Variants in AIFM1 observed in about 807,000 individuals in gnomAD.
The protein encoded by AIFM1 is apoptosis-inducing factor 1, mitochondrial.
A neutral mutation model predicts 51.7 loss-of-function variants in AIFM1; 3 were observed. The ratio of observed to expected loss-of-function variants is 0.06; its 90% CI spans 0.03 to 0.15. The LOEUF is 0.15. Ranked by LOEUF, AIFM1 falls within the 10% of genes least tolerant of loss-of-function variation. The pLI, the probability that AIFM1 is intolerant of heterozygous loss-of-function variation, is 1.00. For missense variants in AIFM1, 330 were observed against 476.8 expected (o/e 0.69, Z 2.87); for synonymous variants, 178 against 179.4 (o/e 0.99, Z 0.06).
Position 130,156,574 on chromosome X carries a change from G to A in AIFM1, c.136C>T (p.Leu46=), listed in dbSNP as rs1322559243. The change falls in exon 2 of 16, where the codon CTA becomes TTA. Residue 46 remains leucine (L), a synonymous_variant. Transcript: ENST00000287295. ...ATTTGTCTTGTCATCTGGAGTTCTA[G>A]AGGAACATGCCATCGCTGGAACAAG... ...GNLFQRWHVP[L]ELQMTRQMAS... 1 of 1,211,801 alleles carries A rather than the reference G, an allele frequency of 8.3e-7. No homozygotes were observed. The highest frequency in any genetic ancestry group is 1.1e-6 in the Non-Finnish European group (1 of 895,504).
chrX:130,139,935 C>T, intron 7 of AIFM1, 64 bp from the exon 8 acceptor site: 1 of 932,609 alleles, frequency 1.1e-6, no homozygotes, highest in Non-Finnish European at 1.5e-6. Flanking sequence ...ACAATACTCC[C>T]TCCACCACAC....
intron 6 of AIFM1, among the ~76,000 whole-genome samples, chrX:130,144,066 A>G (rs1475318581): frequency 8.9e-6 from 1 of 112,082 alleles, no homozygotes; most frequent in Non-Finnish European, 1.9e-5. Context: ...TACCTACCTC[A>G]TAAGATTATT....
At chrX:130,156,075 TG>T (rs2031153160) in intron 2 of AIFM1, among the ~76,000 whole-genome samples, 2 of 111,823 alleles carry the variant, frequency 1.8e-5, no homozygotes, top group African/African-American at 6.5e-5. Flanking sequence ...GGAAATAAAA[TG>T]TCTGACAAAT....
At chrX:130,162,879 A>G (rs1026247321) in intron 1 of AIFM1, among the ~76,000 whole-genome samples, 3 of 112,184 alleles carry the variant, frequency 2.7e-5, no homozygotes, top group African/African-American at 9.7e-5. Context: ...ATGCAGACAT[A>G]GAGTGATGAC....
In AIFM1 at chrX:130,133,471, C is replaced by T. The variant is rs2030188508; in HGVS notation, c.1306-16G>A. The T allele has an allele frequency of 8.3e-7, 1 of 1,199,705 alleles. No individual in the cohort carries two copies. Among genetic ancestry groups the T allele is most frequent in the South Asian group, 1.8e-5 (1 of 56,503 alleles). Reference sequence around the variant, plus strand: ...CATCTCCTGCCTGTGGAAACAAATACATAACATGAACACATGATAAAAAAA... The same window carrying T: ...CATCTCCTGCCTGTGGAAACAAATATATAACATGAACACATGATAAAAAAA... On this transcript the variant is annotated splice_polypyrimidine_tract_variant and intron_variant, in intron 12 of 15. Transcript: ENST00000287295.
At chrX:130,157,135 AT>A (rs772321432) in intron 1 of AIFM1, among the ~76,000 whole-genome samples, 12 of 112,165 alleles carry the variant, frequency 1.1e-4, no homozygotes, top group Non-Finnish European at 1.9e-4. Flanking sequence ...AGAAAAAAAA[AT>A]TTTAATGAGT....
At chrX:130,164,061 T>C (rs1407411177) in intron 1 of AIFM1, among the ~76,000 whole-genome samples, 2 of 105,439 alleles carry the variant, frequency 1.9e-5, no homozygotes, top group African/African-American at 7.0e-5. Flanking sequence ...CCAGCTACTC[T>C]GGAGGCTGAG....
At chrX:130,151,677 T>G (rs2030985721) in intron 2 of AIFM1, among the ~76,000 whole-genome samples, 2 of 111,362 alleles carry the variant, frequency 1.8e-5, no homozygotes. Flanking sequence ...TCAGGAAGAG[T>G]TTTTATCTTG....
chrX:130,143,649 G>A (rs955477825), intron 6 of AIFM1, among the ~76,000 whole-genome samples: 1 of 108,188 alleles, frequency 9.2e-6, no homozygotes, highest in Admixed American at 1.0e-4. Flanking sequence ...TCAGGAGTTC[G>A]AGACCAACCT....
chrX:130,148,922 C>CTTT (rs11292355), intron 3 of AIFM1, among the ~76,000 whole-genome samples: 9 of 68,363 alleles, frequency 1.3e-4, no homozygotes, highest in African/African-American at 4.8e-4. Flanking sequence ...TTTTAAGAGA[C>CTTT]TTTTTTTTTT....
intron 1 of AIFM1, among the ~76,000 whole-genome samples, chrX:130,158,767 T>A (rs2031257242): frequency 9.4e-6 from 1 of 105,908 alleles, no homozygotes; most frequent in Non-Finnish European, 1.9e-5. Flanking sequence ...TAAGAAAGTT[T>A]ACAAATTTGT....
chrX:130,134,460 T>G (rs1417501901), intron 12 of AIFM1, among the ~76,000 whole-genome samples: 1 of 111,089 alleles, frequency 9.0e-6, no homozygotes, highest in African/African-American at 3.3e-5. Context: ...CACTCAGTAT[T>G]CATTCATTCG....
intron 14 of AIFM1, 41 bp downstream of exon 14, chrX:130,131,634 C>T (rs1317558723): frequency 1.7e-6 from 2 of 1,207,308 alleles, no homozygotes; most frequent in Non-Finnish European, 2.2e-6. Flanking sequence ...TGGACCACTG[C>T]TTCTCAACAC....
chrX:130,146,544 T>C (rs1211500677), intron 5 of AIFM1, among the ~76,000 whole-genome samples: 1 of 108,963 alleles, frequency 9.2e-6, no homozygotes, highest in Non-Finnish European at 1.9e-5. Flanking sequence ...AAAGTATACA[T>C]CCTGTTTGAA....
At chrX:130,150,203 C>T (rs778469184) in intron 2 of AIFM1, among the ~76,000 whole-genome samples, 21 of 111,476 alleles carry the variant, frequency 1.9e-4, no homozygotes, top group African/African-American at 6.2e-4. Flanking sequence ...TGCTTAAACA[C>T]ACCTGTTACA....
intron 1 of AIFM1, among the ~76,000 whole-genome samples, chrX:130,161,857 T>A (rs2031364735): frequency 1.8e-5 from 2 of 111,746 alleles, no homozygotes; most frequent in South Asian, 3.7e-4. Context: ...TCTGCCCACC[T>A]TGGCATACCA....
intron 15 of AIFM1, 151 bp downstream of exon 15, chrX:130,129,819 A>C: frequency 1.2e-6 from 1 of 825,268 alleles, no homozygotes; most frequent in Non-Finnish European, 1.8e-6. Flanking sequence ...GTGAAAAAGA[A>C]TGTTCCTGAG....
chrX:130,159,654 G>A (rs949775457), intron 1 of AIFM1, among the ~76,000 whole-genome samples: 2 of 108,902 alleles, frequency 1.8e-5, no homozygotes, highest in East Asian at 5.6e-4. Flanking sequence ...TCCTCCAGAA[G>A]ACCCTAAATA....
intron 6 of AIFM1, among the ~76,000 whole-genome samples, chrX:130,141,585 G>A (rs1170978156): frequency 9.0e-6 from 1 of 111,601 alleles, no homozygotes; most frequent in Non-Finnish European, 1.9e-5. Flanking sequence ...CCAGGAGGAG[G>A]TGTTGGCATT....
Sources: gnomAD v4.1 joint callset for allele counts (sites outside exome capture counted in the v4.1 genomes callset) on GRCh38, gnomAD v4.1.1 for gene constraint, MANE v1.5 for transcripts, NCBI Gene and HGNC (gene_info 2026-07-23, HGNC 2026-07-21) for gene names.